Variants in ADPGK observed in about 807,000 individuals in gnomAD.
ADPGK encodes ADP dependent glucokinase.
In ADPGK, 26 loss-of-function variants were observed where a neutral mutation model predicts 42.4. The observed-to-expected ratio is 0.61, with a 90% CI of 0.45 to 0.85. The LOEUF (loss-of-function observed/expected upper bound fraction) is 0.85. ADPGK is among the 40% of genes least tolerant of loss of function. The pLI, the probability that ADPGK is intolerant of heterozygous loss-of-function variation, is 0.00. For missense variants in ADPGK, 571 were observed against 627.0 expected, an observed-to-expected ratio of 0.91 and a Z score of 0.95; for synonymous variants, 267 against 252.6, an observed-to-expected ratio of 1.06 and a Z score of -0.54.
chr15:72,753,352 C>T (rs1365653813), intron 6 of ADPGK, among the ~76,000 whole-genome samples: 1 of 151,946 alleles, frequency 6.6e-6, no homozygotes, highest in Non-Finnish European at 1.5e-5. Context: ...CACCAAGAAG[C>T]AAAAAGCATA....
intron 1 of ADPGK, among the ~76,000 whole-genome samples, chr15:72,779,818 A>G (rs2066434859): frequency 6.6e-6 from 1 of 152,160 alleles, no homozygotes; most frequent in East Asian, 1.9e-4. Context: ...CTGTTTCTCA[A>G]TATATTCCTA....
intron 3 of ADPGK, among the ~76,000 whole-genome samples, chr15:72,765,180 T>C (rs1240521729): frequency 6.6e-6 from 1 of 152,194 alleles, no homozygotes; most frequent in African/African-American, 2.4e-5. Context: ...AGTCTGGCTC[T>C]GTCGCCCAGG....
chr15:72,757,795 G>T, intron 4 of ADPGK: 1 of 314,058 alleles, frequency 3.2e-6, no homozygotes, highest in South Asian at 4.7e-5. Flanking sequence ...AGCAAGACGT[G>T]GACTCAACCC....
intron 1 of ADPGK, among the ~76,000 whole-genome samples, chr15:72,775,874 G>C (rs2066386306): frequency 1.4e-5 from 1 of 71,116 alleles, no homozygotes; most frequent in Non-Finnish European, 2.9e-5. Flanking sequence ...TATCTGAAGT[G>C]CTTGAGATCA....
intron 1 of ADPGK, among the ~76,000 whole-genome samples, chr15:72,782,405 G>A (rs1020118003): frequency 6.6e-6 from 1 of 151,426 alleles, no homozygotes; most frequent in Non-Finnish European, 1.5e-5. Context: ...CTTGCCTGTC[G>A]TCCCAGCTAC....
chr15:72,777,820 A>G (rs1003855677), intron 1 of ADPGK, among the ~76,000 whole-genome samples: 1 of 152,218 alleles, frequency 6.6e-6, no homozygotes, highest in Non-Finnish European at 1.5e-5. Context: ...AAAACCCAAC[A>G]GAACTAATTT....
At chr15:72,770,628 T>C (rs1220437414) in intron 3 of ADPGK, among the ~76,000 whole-genome samples, 3 of 152,226 alleles carry the variant, frequency 2.0e-5, no homozygotes, top group Admixed American at 2.0e-4. Context: ...TGGGAGTTAA[T>C]TACAATTTAT....
chr15:72,771,869 A>G (rs767300922), intron 2 of ADPGK, 24 bp from the exon 3 acceptor site: 1 of 1,576,430 alleles, frequency 6.3e-7, no homozygotes, highest in South Asian at 1.2e-5. Context: ...CAAGGCTTTT[A>G]GACAGTATTT....
Position 72,783,726 on chromosome 15 carries a change from C to G in ADPGK, c.-35G>C. ...GGCGCCGCACCTGCGCGAACCAACT[C>G]CTTTCCTAGCCCGCGCCTCTTCCGG... On this transcript the variant is annotated 5_prime_UTR_variant, in exon 1 of 7. Coordinates refer to ENST00000456471, the MANE Select transcript of ADPGK (RefSeq NM_001365225.1). The G allele has an allele frequency of 7.1e-7, 1 of 1,417,580 alleles. No individual in the cohort carries two copies. The highest frequency in any genetic ancestry group is 1.5e-5 in the African/African-American group (1 of 66,490). 87.8% of individuals were successfully genotyped at this position (1,417,580 alleles called of 1,614,324 possible).
intron 3 of ADPGK, among the ~76,000 whole-genome samples, chr15:72,766,971 A>T (rs2066268557): frequency 6.6e-6 from 1 of 152,208 alleles, no homozygotes; most frequent in Admixed American, 6.5e-5. Context: ...AAATGGTCTA[A>T]ACACTCCGAT....
chr15:72,752,811 A>T lies in ADPGK; in HGVS notation c.1024T>A (p.Ser342Thr). The change falls in exon 7 of 7, where the codon TCT (serine) becomes ACT (threonine). Residue 342 changes from serine (S) to threonine (T), a missense_variant. Ser to Thr is a moderately conservative substitution (Grantham distance 58). Around this residue, in one of 2 missense-constraint regions of ADPGK, gnomAD observed 434 missense variants for 522.7 expected, o/e 0.83. Coordinates refer to ENST00000456471, the MANE Select transcript of ADPGK (RefSeq NM_001365225.1). ...GGAACACCGTTCCAGGAAGAGAGAG[A>T]AGAGTGAGGTCCAGAGGCTGACTGG... ...LTQSASGPHSSLSSWNGVPDV... is the reference protein window; with the variant it reads ...LTQSASGPHSTLSSWNGVPDV... 1 of 1,614,206 alleles carries T rather than the reference A, an allele frequency of 6.2e-7. No homozygotes were observed. The highest frequency in any genetic ancestry group is 8.5e-7 in the Non-Finnish European group (1 of 1,180,030).
chr15:72,758,278 T>A, intron 4 of ADPGK: 2 of 760,772 alleles, frequency 2.6e-6, no homozygotes, highest in Non-Finnish European at 4.7e-6. Context: ...CCTCACAAAG[T>A]GTTGTATTCA....
At chr15:72,753,325 A>G (rs2066071493) in intron 6 of ADPGK, among the ~76,000 whole-genome samples, 1 of 152,100 alleles carries the variant, frequency 6.6e-6, no homozygotes, top group South Asian at 2.1e-4. Flanking sequence ...GGTTATAATG[A>G]TTTTTTTTAT....
rs1238052987 is a variant in ADPGK, at chr15:72,752,161, CATT to C, written c.*177_*179del. ...AACATAAAAAACAAAAATCCAGTCT[CATT>C]AGCTAAATTCGGATTAAAATCTGAA... On this transcript the variant is annotated 3_prime_UTR_variant, in exon 7 of 7. Transcript: ENST00000456471. 1.2e-5 allele frequency: 8 copies of C among 679,900 alleles called. No homozygotes were observed. The highest frequency in any genetic ancestry group is 1.9e-5 in the Non-Finnish European group (8 of 420,360). The allele number at this position is 679,900 out of a possible 1,614,324, so 42.1% of individuals were successfully genotyped here.
At chr15:72,757,946 G>A in intron 4 of ADPGK, 1 of 853,774 alleles carries the variant, frequency 1.2e-6, no homozygotes, top group Non-Finnish European at 1.8e-6. Flanking sequence ...AGGATGAGAA[G>A]AACCGTGCAG....
At chr15:72,760,968 G>A (rs2066185252) in intron 3 of ADPGK, among the ~76,000 whole-genome samples, 1 of 152,104 alleles carries the variant, frequency 6.6e-6, no homozygotes, top group African/African-American at 2.4e-5. Context: ...GATAGAACTG[G>A]TGGCCTTATA....
At chr15:72,779,204 G>T (rs1176357993) in intron 1 of ADPGK, among the ~76,000 whole-genome samples, 1 of 151,328 alleles carries the variant, frequency 6.6e-6, no homozygotes, top group African/African-American at 2.4e-5. Context: ...CAAGGTTCAG[G>T]GTGAAGCCAG....
chr15:72,773,005 C>A (rs1244718338), intron 2 of ADPGK, among the ~76,000 whole-genome samples: 1 of 151,980 alleles, frequency 6.6e-6, no homozygotes, highest in Non-Finnish European at 1.5e-5. Flanking sequence ...CACGCAGAGG[C>A]ATAGACTAAA....
intron 3 of ADPGK, among the ~76,000 whole-genome samples, chr15:72,767,748 A>C (rs2066278249): frequency 6.6e-6 from 1 of 152,244 alleles, no homozygotes; most frequent in African/African-American, 2.4e-5. Context: ...AAGGGATATT[A>C]GTATTTTGAA....
Sources: allele counts gnomAD v4.1 joint callset (sites outside exome capture counted in the v4.1 genomes callset), GRCh38; gene constraint gnomAD v4.1.1; regional missense constraint gnomAD v4.1.1; transcripts MANE v1.5; gene names NCBI Gene and HGNC (gene_info 2026-07-23, HGNC 2026-07-21).